MTR: variants seen among roughly 807,000 people sequenced by gnomAD.
The protein encoded by MTR is 5-methyltetrahydrofolate-homocysteine methyltransferase, also known as methionine synthase.
MTR carries 84 observed loss-of-function variants against 154.8 expected under a neutral mutation model. That is an observed-to-expected ratio of 0.54 (90% CI 0.45 to 0.65). The LOEUF is 0.65. Ranked by LOEUF, MTR falls within the 30% of genes least tolerant of loss-of-function variation. The probability of loss-of-function intolerance (pLI) is 0.00; values close to 1 mark genes in which losing one functional copy is unlikely to be tolerated. For synonymous variants in MTR, 554 were observed against 553.9 expected, an observed-to-expected ratio of 1.00 and a Z score of 0.00; for missense variants, 1,275 against 1,570.2, an observed-to-expected ratio of 0.81 and a Z score of 3.18.
rs1487029117 is a variant in MTR, at chr1:236,829,224, G to C, written c.1031G>C (p.Arg344Thr). ...IAEAVKNCKP[R>T]VPPATAFEGH... ...GAAGCTGTGAAAAATTGTAAGCCTAGAGTTCCACCTGCCACTGCTTTTGAA... is the reference window on the plus strand; with the variant it reads ...GAAGCTGTGAAAAATTGTAAGCCTACAGTTCCACCTGCCACTGCTTTTGAA... Residue 344 changes from arginine to threonine, a missense_variant, in exon 12 of 33, where the codon AGA becomes ACA. Coordinates refer to ENST00000366577, the MANE Select transcript of MTR (RefSeq NM_000254.3). The C allele has an allele frequency of 6.2e-7, 1 of 1,614,056 alleles. No individual in the cohort carries two copies. The highest frequency in any genetic ancestry group is 8.5e-7 in the Non-Finnish European group (1 of 1,179,966).
chr1:236,813,851 T>TTGTG (rs1231660398), intron 6 of MTR, among the ~76,000 whole-genome samples: 3 of 152,130 alleles, frequency 2.0e-5, no homozygotes, highest in Non-Finnish European at 4.4e-5. Flanking sequence ...TATTGTTAGT[T>TTGTG]TGTGTGTGCG....
In MTR at chr1:236,871,748, C is replaced by T. The variant is rs151233848; in HGVS notation, c.2406-2025C>T. On this transcript the variant is annotated intron_variant, in intron 22 of 32. Coordinates refer to ENST00000366577, the MANE Select transcript of MTR (RefSeq NM_000254.3). The stretch of plus-strand genomic sequence containing the variant: ...CATTAACACCTCCAGCGTGCATTTG[C>T]TACTGGGTTAGTGCCAACAAAGCTG... 6.6e-5 allele frequency among the ~76,000 whole-genome samples: 10 copies of T among 152,248 alleles called. No individual in the cohort carries two copies. In the East Asian group the frequency reaches 1.9e-3, roughly 29 times the overall value.
At chr1:236,855,380 TATTTTTGATAATAAAA>T (rs1273234906) in intron 18 of MTR, among the ~76,000 whole-genome samples, 1 of 152,194 alleles carries the variant, frequency 6.6e-6, no homozygotes, top group Non-Finnish European at 1.5e-5. Flanking sequence ...GTAAGTAAAT[TATTTTTGATAATAAAA>T]ATTTCCAGAT....
chr1:236,894,585 C>T (rs1183858861), intron 30 of MTR, 28 bp downstream of exon 30: 1 of 1,612,134 alleles, frequency 6.2e-7, no homozygotes. Flanking sequence ...CGCCGAGGGG[C>T]TGAGGACAGA....
chr1:236,806,282 T>C, intron 3 of MTR, 49 bp downstream of exon 3: 2 of 1,459,800 alleles, frequency 1.4e-6, no homozygotes, highest in Non-Finnish European at 1.9e-6. Flanking sequence ...GAGCGTTTGC[T>C]GCATTGGTAG....
At chr1:236,828,637 G>A (rs1175114843) in intron 11 of MTR, among the ~76,000 whole-genome samples, 1 of 152,080 alleles carries the variant, frequency 6.6e-6, no homozygotes, top group Non-Finnish European at 1.5e-5. Flanking sequence ...ATCTTTAAGA[G>A]TAATTATTTT....
At chr1:236,812,537 GAA>G (rs1304285917) in intron 5 of MTR, among the ~76,000 whole-genome samples, 199 bp from the exon 6 acceptor site, 2 of 152,208 alleles carry the variant, frequency 1.3e-5, no homozygotes, top group African/African-American at 2.4e-5. Context: ...AGGTGTTTAG[GAA>G]CAGCTGCCTT....
At chr1:236,801,580 C>T (rs1660701261) in intron 1 of MTR, among the ~76,000 whole-genome samples, 2 of 152,142 alleles carry the variant, frequency 1.3e-5, no homozygotes, top group South Asian at 4.1e-4. Flanking sequence ...TTATCTTTGC[C>T]TCTTCTTTCT....
At chr1:236,860,371 T>C (rs1443919256) in intron 19 of MTR, among the ~76,000 whole-genome samples, 2 of 151,980 alleles carry the variant, frequency 1.3e-5, no homozygotes, top group African/African-American at 4.8e-5. Context: ...AGTTTCCTCA[T>C]GTGTGAGTCT....
At chr1:236,831,838 A>T in intron 12 of MTR, 128 bp from the exon 13 acceptor site, 1 of 712,156 alleles carries the variant, frequency 1.4e-6, no homozygotes. Context: ...TCCACATTGG[A>T]TCTCCTATCT....
rs113604788 is a variant in MTR, at chr1:236,894,377, C to T, written c.3225C>T (p.Ser1075=). Residue 1075 remains serine, a synonymous_variant, in exon 30 of 33, where the codon AGC becomes AGT. Coordinates refer to ENST00000366577, the MANE Select transcript of MTR (RefSeq NM_000254.3). ...LRQQAEKDSA[S]TEPYYCLSDF... The stretch of plus-strand genomic sequence containing the variant: ...TTAAGGCTGAGAAGGACTCTGCCAG[C>T]ACGGAGCCATACTACTGCCTCTCAG... 12 of 1,614,228 alleles carry T rather than the reference C, an allele frequency of 7.4e-6. No homozygotes were observed. The highest frequency in any genetic ancestry group is 1.6e-4 in the Middle Eastern group (1 of 6,062).
chr1:236,852,419 T>G, intron 16 of MTR, 102 bp from the exon 17 acceptor site: 1 of 867,188 alleles, frequency 1.2e-6, no homozygotes, highest in Non-Finnish European at 1.9e-6. Context: ...TTCGGATGCT[T>G]TTTGTTTTTT....
At chr1:236,894,134 A>T (rs1234079793) in intron 29 of MTR, among the ~76,000 whole-genome samples, 1 of 152,158 alleles carries the variant, frequency 6.6e-6, no homozygotes, top group Non-Finnish European at 1.5e-5. Flanking sequence ...ATTTTTTAAA[A>T]ATCTCATTTC....
At chr1:236,875,154 G>A (rs779216120) in intron 24 of MTR, among the ~76,000 whole-genome samples, 3 of 152,130 alleles carry the variant, frequency 2.0e-5, no homozygotes, top group African/African-American at 4.8e-5. Flanking sequence ...AACTCTTCTC[G>A]TGAAATTAAA....
chr1:236,847,359 C>T (rs926248151), intron 15 of MTR, among the ~76,000 whole-genome samples: 1 of 152,214 alleles, frequency 6.6e-6, no homozygotes, highest in Non-Finnish European at 1.5e-5. Context: ...TAGATGTCTT[C>T]TACACATTGT....
Position 236,889,218 on chromosome 1 carries a change from C to A in MTR, c.2889C>A (p.Asp963Glu). The A allele has an allele frequency of 2.5e-6, 4 of 1,614,200 alleles. No individual in the cohort carries two copies. The highest frequency in any genetic ancestry group is 3.4e-6 in the Non-Finnish European group (4 of 1,180,038). ...TTATTGGGACCCAGGTCTTTGAAGA[C>A]TATGACCTGCAGAAGCTGGTGGACT... ...PTFIGTQVFEDYDLQKLVDYI... is the reference protein window; with the variant it reads ...PTFIGTQVFEEYDLQKLVDYI... Residue 963 changes from aspartate to glutamate, a missense_variant, in exon 28 of 33, where the codon GAC (aspartate) becomes GAA (glutamate). Transcript: ENST00000366577.
chr1:236,848,655 G>A (rs1392126821), intron 15 of MTR, among the ~76,000 whole-genome samples: 3 of 152,108 alleles, frequency 2.0e-5, no homozygotes, highest in African/African-American at 7.2e-5. Context: ...CCTAAAGCCT[G>A]GGTGCAGTGA....
At position 236,821,393 on chromosome 1, in the gene MTR, C is replaced by T. The variant is rs989977995; in HGVS notation, c.765-2726C>T. ...CATCTGTAAAGGCCCCACCTTCCAA[C>T]GCTGTTTCATTGGCATTTAAATTTC... On this transcript the variant is annotated intron_variant, in intron 8 of 32. Coordinates refer to ENST00000366577, the MANE Select transcript of MTR (RefSeq NM_000254.3). Among the ~76,000 whole-genome samples, 6 of 152,232 alleles carry T rather than the reference C, an allele frequency of 3.9e-5. No individual in the cohort carries two copies. In the South Asian group the frequency reaches 6.2e-4, roughly 16 times the overall value.
intron 1 of MTR, chr1:236,800,494 C>T: frequency 1.0e-6 from 1 of 983,406 alleles, no homozygotes; most frequent in Non-Finnish European, 1.2e-6. Flanking sequence ...GTCTTTAGTT[C>T]TTAGTCTTCT....
Sources: gnomAD v4.1 joint callset for allele counts (sites outside exome capture counted in the v4.1 genomes callset) on GRCh38, gnomAD v4.1.1 for gene constraint, MANE v1.5 for transcripts, NCBI Gene and HGNC (gene_info 2026-07-23, HGNC 2026-07-21) for gene names.